The following RORB variants were observed in gnomAD, a reference collection of about 807,000 sequenced individuals.
RORB encodes the protein RAR related orphan receptor B.
In RORB, 6 loss-of-function variants were observed where a neutral mutation model predicts 59.1. The observed-to-expected ratio is 0.10, with a 90% CI of 0.06 to 0.20. The LOEUF (loss-of-function observed/expected upper bound fraction) is 0.20, where lower values mean the gene tolerates loss of function less well. RORB is among the 10% of genes least tolerant of loss of function. RORB has a pLI of 1.00. For missense variants in RORB, 320 were observed against 560.5 expected, an observed-to-expected ratio of 0.57 and a Z score of 4.33; for synonymous variants, 215 against 204.5, an observed-to-expected ratio of 1.05 and a Z score of -0.44.
At chr9:74,590,144 G>A (rs1822865483) in intron 1 of RORB, among the ~76,000 whole-genome samples, 2 of 152,146 alleles carry the variant, frequency 1.3e-5, no homozygotes, top group Non-Finnish European at 2.9e-5. Context: ...AGTAACAGTA[G>A]TAGTAGTAGT....
At chr9:74,633,064 AG>A (rs1823645814) in intron 2 of RORB, among the ~76,000 whole-genome samples, 2 of 152,160 alleles carry the variant, frequency 1.3e-5, no homozygotes, top group African/African-American at 4.8e-5. Flanking sequence ...TCCGTGTCTG[AG>A]TTTCCTCACA....
intron 1 of RORB, among the ~76,000 whole-genome samples, chr9:74,508,237 T>C (rs1825893991): frequency 6.6e-6 from 1 of 151,936 alleles, no homozygotes; most frequent in Non-Finnish European, 1.5e-5. Context: ...AACTCAGAAA[T>C]ATCAATAATG....
chr9:74,662,823 G>T (rs555633211), intron 6 of RORB, among the ~76,000 whole-genome samples: 7 of 152,232 alleles, frequency 4.6e-5, no homozygotes, highest in African/African-American at 1.7e-4. Flanking sequence ...ATTGAAAGTG[G>T]AGCTATTAAT....
intron 1 of RORB, among the ~76,000 whole-genome samples, chr9:74,503,412 T>A (rs1825827866): frequency 6.6e-6 from 1 of 152,006 alleles, no homozygotes. Context: ...GAATGAATAT[T>A]TGAGAGAGAA....
intron 1 of RORB, among the ~76,000 whole-genome samples, chr9:74,561,925 G>T (rs953922847): frequency 6.6e-6 from 1 of 151,996 alleles, no homozygotes; most frequent in African/African-American, 2.4e-5. Context: ...TACTGGCCAG[G>T]TATTATGTAG....
At chr9:74,503,126 G>A (rs1825823802) in intron 1 of RORB, among the ~76,000 whole-genome samples, 1 of 152,026 alleles carries the variant, frequency 6.6e-6, no homozygotes, top group African/African-American at 2.4e-5. Flanking sequence ...TTATCTAAAG[G>A]ATAGAAATCA....
intron 7 of RORB, 138 bp from the exon 8 acceptor site, chr9:74,667,653 T>C (rs1824288048): frequency 1.8e-6 from 1 of 565,042 alleles, no homozygotes; most frequent in Non-Finnish European, 3.1e-6. Flanking sequence ...CTTTTTATAA[T>C]TAGAAACTTA....
At chr9:74,580,704 C>A (rs1477665704) in intron 1 of RORB, among the ~76,000 whole-genome samples, 1 of 152,080 alleles carries the variant, frequency 6.6e-6, no homozygotes, top group Non-Finnish European at 1.5e-5. Context: ...CTGCTGATCC[C>A]AACCAATTCA....
Position 74,660,901 on chromosome 9 carries a change from G to T in RORB, c.759+163G>T, listed in dbSNP as rs148859216. On this transcript the variant is annotated intron_variant, in intron 5 of 9. Transcript: ENST00000376896. ...ATCCCTGGCCCTACCCACTAGATGT[G>T]CCATCGCCCTCACACACACTTGTGA... is the stretch of plus-strand genomic sequence containing the variant. 4.8e-3 allele frequency among the ~76,000 whole-genome samples: 733 copies of T among 152,236 alleles called. 5 individuals carry two copies. Among genetic ancestry groups the T allele is most frequent in the Middle Eastern group, 0.01 (3 of 294 alleles).
chr9:74,672,551 T>C (rs1313912243), intron 9 of RORB, among the ~76,000 whole-genome samples: 1 of 152,182 alleles, frequency 6.6e-6, no homozygotes, highest in Non-Finnish European at 1.5e-5. Context: ...GCAAAATCCA[T>C]GCAACATGTC....
At chr9:74,568,716 A>T (rs1338299448) in intron 1 of RORB, among the ~76,000 whole-genome samples, 1 of 149,694 alleles carries the variant, frequency 6.7e-6, no homozygotes, top group Non-Finnish European at 1.5e-5. Context: ...AAAAAAAAAG[A>T]AAAAAAGAAA....
chr9:74,668,953 A>G (rs1470331176), intron 8 of RORB, among the ~76,000 whole-genome samples: 1 of 152,212 alleles, frequency 6.6e-6, no homozygotes, highest in East Asian at 1.9e-4. Flanking sequence ...AACTTCAGAC[A>G]TGGAGGTGGA....
chr9:74,524,207 C>T (rs1826123363), intron 1 of RORB, among the ~76,000 whole-genome samples: 2 of 151,440 alleles, frequency 1.3e-5, no homozygotes, highest in African/African-American at 4.8e-5. Flanking sequence ...CTTAGTTTGT[C>T]CTGGATGGCA....
chr9:74,641,759 T>A (rs76186470), intron 3 of RORB, among the ~76,000 whole-genome samples: 1 of 147,806 alleles, frequency 6.8e-6, no homozygotes, highest in Non-Finnish European at 1.5e-5. Flanking sequence ...AAAAAAAAAA[T>A]AGCTGGACCT....
intron 1 of RORB, among the ~76,000 whole-genome samples, chr9:74,564,915 T>C (rs755392479): frequency 5.3e-5 from 8 of 152,184 alleles, no homozygotes; most frequent in Non-Finnish European, 8.8e-5. Flanking sequence ...GGCTTTCTGA[T>C]TGGCAGCAAA....
At chr9:74,523,772 A>G (rs1347745694) in intron 1 of RORB, among the ~76,000 whole-genome samples, 3 of 151,908 alleles carry the variant, frequency 2.0e-5, no homozygotes, top group Non-Finnish European at 2.9e-5. Flanking sequence ...TTTAATAAGG[A>G]TAAGTAATCT....
intron 1 of RORB, among the ~76,000 whole-genome samples, chr9:74,609,498 A>G (rs1438509638): frequency 6.6e-6 from 1 of 152,226 alleles, no homozygotes; most frequent in East Asian, 1.9e-4. Context: ...CATGAGTTCA[A>G]TGTAAAGACT....
At chr9:74,614,064 G>T (rs1341083252) in intron 1 of RORB, among the ~76,000 whole-genome samples, 1 of 152,162 alleles carries the variant, frequency 6.6e-6, no homozygotes, top group Non-Finnish European at 1.5e-5. Flanking sequence ...TTGGTAGAAT[G>T]ATTTGTTTTC....
intron 1 of RORB, among the ~76,000 whole-genome samples, chr9:74,581,023 C>T (rs1001017917): frequency 4.6e-5 from 7 of 152,108 alleles, no homozygotes; most frequent in African/African-American, 1.7e-4. Context: ...CAATTTCTTC[C>T]CTCTACATTA....
Sources: gnomAD v4.1 joint callset for allele counts (sites outside exome capture counted in the v4.1 genomes callset) on GRCh38, gnomAD v4.1.1 for gene constraint, MANE v1.5 for transcripts, NCBI Gene and HGNC (gene_info 2026-07-23, HGNC 2026-07-21) for gene names.